MYLK4: variants seen among roughly 807,000 people sequenced by gnomAD.
MYLK4 encodes the protein myosin light chain kinase family member 4, also known as caMLCK like.
MYLK4 carries 46 observed loss-of-function variants against 48.1 expected under a neutral mutation model. That is an observed-to-expected ratio of 0.96 (90% CI 0.75 to 1.22). MYLK4 has a LOEUF of 1.22. Ranked by LOEUF, MYLK4 falls within the 50% of genes most tolerant of loss-of-function variation. MYLK4 has a pLI of 0.00. For missense variants in MYLK4, 451 were observed against 486.1 expected, an observed-to-expected ratio of 0.93 and a Z score of 0.68; for synonymous variants, 170 against 180.8, an observed-to-expected ratio of 0.94 and a Z score of 0.48.
At chr6:2,741,928 T>C (rs1000531997) in intron 2 of MYLK4, among the ~76,000 whole-genome samples, 18 of 152,212 alleles carry the variant, frequency 1.2e-4, no homozygotes, top group African/African-American at 4.3e-4. Flanking sequence ...GTATTTCCCA[T>C]AGGAGAAATG....
intron 12 of MYLK4, among the ~76,000 whole-genome samples, chr6:2,670,929 T>C (rs990968309): frequency 7.9e-5 from 12 of 152,042 alleles, no homozygotes; most frequent in Non-Finnish European, 1.8e-4. Context: ...TCACACATTG[T>C]CGTAAGGACT....
At chr6:2,694,891 T>C (rs1762005590) in intron 2 of MYLK4, among the ~76,000 whole-genome samples, 1 of 152,226 alleles carries the variant, frequency 6.6e-6, no homozygotes, top group African/African-American at 2.4e-5. Flanking sequence ...TACCACCCTA[T>C]ACTGTCTTTC....
Position 2,683,109 on chromosome 6 carries a change from G to C in MYLK4, c.599C>G (p.Thr200Arg), listed in dbSNP as rs577269576. 1 of 1,614,110 alleles carries C rather than the reference G, an allele frequency of 6.2e-7. No individual in the cohort carries two copies. Among genetic ancestry groups the C allele is most frequent in the Non-Finnish European group, 8.5e-7 (1 of 1,180,030 alleles). The change falls in exon 7 of 13, where the codon ACG (threonine) becomes AGG (arginine). Residue 200 changes from threonine (T) to arginine (R), a missense_variant. Coordinates refer to ENST00000274643, the MANE Select transcript of MYLK4 (RefSeq NM_001012418.5). ...CATGAACAGGATGGTATCAAGCTCCGTCAAATTGTAGCTCTCATCGATGAT... is the reference window on the plus strand; with the variant it reads ...CATGAACAGGATGGTATCAAGCTCCCTCAAATTGTAGCTCTCATCGATGAT... ...DRIIDESYNL[T>R]ELDTILFMKQ... is the part of the protein sequence containing the mutation.
the MYLK4 span, among the ~76,000 whole-genome samples, chr6:2,761,695 G>A: frequency 2.6e-5 from 4 of 152,094 alleles, no homozygotes; most frequent in Admixed American, 2.0e-4. Context: ...GTCACACTAT[G>A]GACAGCTCAA....
the MYLK4 span, chr6:2,766,381 C>G: frequency 3.9e-5 from 62 of 1,608,828 alleles, no homozygotes; most frequent in African/African-American, 7.2e-4. Flanking sequence ...CCCTGCTGCG[C>G]TCGCTCCTGG....
rs1582025771 is a variant in MYLK4, at chr6:2,674,964, T to C, written c.1119+83A>G. The C allele has an allele frequency of 6.6e-6, 6 of 911,672 alleles. No individual in the cohort carries two copies. In the East Asian group the frequency reaches 1.4e-4, roughly 22 times the overall value. 56.5% of individuals were successfully genotyped at this position (911,672 alleles called of 1,614,324 possible). A position where few individuals can be genotyped will look rare whatever the true frequency, so the allele number is the denominator to read the frequency against. On this transcript the variant is annotated intron_variant, in intron 11 of 12. Transcript: ENST00000274643. ...AAAAAGAATGAGAAAGAATCTTATT[T>C]AAGGTTAAGATGACTCCAGCATCTG...
At chr6:2,766,606 T>C in the MYLK4 span, among the ~76,000 whole-genome samples, 2 of 152,102 alleles carry the variant, frequency 1.3e-5, no homozygotes, top group African/African-American at 4.8e-5. Context: ...GGTCCACAGG[T>C]GGAGTCTGTG....
chr6:2,684,841 C>T (rs1028643370), intron 6 of MYLK4, among the ~76,000 whole-genome samples: 3 of 152,048 alleles, frequency 2.0e-5, no homozygotes, highest in African/African-American at 4.8e-5. Context: ...AATCCCTCTC[C>T]GATACCAAGT....
chr6:2,742,050 C>A (rs1018850121), intron 2 of MYLK4, among the ~76,000 whole-genome samples: 2 of 151,970 alleles, frequency 1.3e-5, no homozygotes, highest in African/African-American at 4.8e-5. Flanking sequence ...TTAGGTCAGA[C>A]CTAAAGAGAA....
chr6:2,674,917 C>T (rs1761028880), intron 11 of MYLK4, 130 bp downstream of exon 11: 2 of 787,248 alleles, frequency 2.5e-6, no homozygotes, highest in Non-Finnish European at 4.2e-6. Context: ...TTTAATACTG[C>T]ACAAGATTTG....
rs1031346195 is a variant in MYLK4 at position 2,692,832 on chromosome 6, G to A, written c.187C>T (p.Leu63=). Residue 63 remains leucine, a synonymous_variant, in exon 3 of 13, where the codon CTG becomes TTG. Transcript: ENST00000274643. ...CTTTTGACGGGCATCCTTTCCGTCA[G>A]GTCGGCGTTTGACCACACCTCCTTC... The part of the protein sequence containing the change: ...EAKEVWSNAD[L]TERMPVKSKR... 2 of 1,613,596 alleles carry A rather than the reference G, an allele frequency of 1.2e-6. No individual in the cohort carries two copies. Among genetic ancestry groups the A allele is most frequent in the African/African-American group, 2.7e-5 (2 of 74,922 alleles).
chr6:2,700,499 A>C (rs1762244356), intron 2 of MYLK4, among the ~76,000 whole-genome samples: 2 of 152,160 alleles, frequency 1.3e-5, no homozygotes, highest in South Asian at 4.1e-4. Flanking sequence ...GATTGGAGCA[A>C]TTATAACAAC....
In MYLK4 at chr6:2,685,424, T is replaced by C. The variant is rs759375349; in HGVS notation, c.436-19A>G. On this transcript the variant is annotated intron_variant, in intron 5 of 12. Transcript: ENST00000274643. This position sits in a 1 kb window ranked among gnomAD's most constrained non-coding sequence, Gnocchi z 4.5. ...CCTCCTCCTGAGAAGCAGGAAACAG[T>C]GCATTAGTGTGGTCAAGATGGGGCG... The C allele has an allele frequency of 2.6e-6, 4 of 1,561,688 alleles. No homozygotes were observed. The highest frequency in any genetic ancestry group is 3.5e-6 in the Non-Finnish European group (4 of 1,140,902).
At chr6:2,668,029 G>A (rs566528306) in intron 12 of MYLK4, 130 bp from the exon 13 acceptor site, 1,840 of 149,564 alleles carry the variant, frequency 0.012, 25 homozygotes, top group Non-Finnish European at 0.021. Context: ...ATGAGCGGGG[G>A]AAAAAAAAAA....
At chr6:2,674,941 A>G in intron 11 of MYLK4, 106 bp downstream of exon 11, 1 of 833,586 alleles carries the variant, frequency 1.2e-6, no homozygotes, top group South Asian at 1.5e-5. Context: ...TCTGTGAGAA[A>G]AAGAATGAGA....
At chr6:2,690,748 A>G (rs1761750234) in intron 3 of MYLK4, among the ~76,000 whole-genome samples, 1 of 147,712 alleles carries the variant, frequency 6.8e-6, no homozygotes, top group African/African-American at 2.5e-5. Context: ...TTTGATCTTC[A>G]TTTTTTCACT....
At chr6:2,714,303 C>A (rs1275481627) in intron 2 of MYLK4, among the ~76,000 whole-genome samples, 1 of 152,192 alleles carries the variant, frequency 6.6e-6, no homozygotes, top group African/African-American at 2.4e-5. Flanking sequence ...CAGAAGTTAC[C>A]CCCGCTTCTT....
chr6:2,669,713 G>A (rs1760809984), intron 12 of MYLK4, among the ~76,000 whole-genome samples: 1 of 152,170 alleles, frequency 6.6e-6, no homozygotes, highest in African/African-American at 2.4e-5. Context: ...AGGCCTGGGG[G>A]CACGAGGGTC....
At chr6:2,674,079 T>A (rs1760996413) in intron 11 of MYLK4, among the ~76,000 whole-genome samples, 1 of 152,264 alleles carries the variant, frequency 6.6e-6, no homozygotes, top group South Asian at 2.1e-4. Flanking sequence ...AGTACACAGA[T>A]GGACATATGG....
Sources: gnomAD v4.1 joint callset for allele counts (sites outside exome capture counted in the v4.1 genomes callset) on GRCh38, gnomAD v4.1.1 for gene constraint, Gnocchi (gnomAD v3.1) non-coding constraint, MANE v1.5 for transcripts, NCBI Gene and HGNC (gene_info 2026-07-23, HGNC 2026-07-21) for gene names.